ZNF431: variants seen among roughly 807,000 people sequenced by gnomAD.
ZNF431 encodes zinc finger protein 431.
ZNF431 carries 34 observed loss-of-function variants against 57.0 expected under a neutral mutation model. The observed-to-expected ratio is 0.60, with a 90% CI of 0.45 to 0.79. The LOEUF is 0.79. Among genes scored for constraint, ZNF431 ranks in the 30% least tolerant of loss-of-function variants. The pLI is 0.00. For missense variants in ZNF431, 607 were observed against 667.1 expected (o/e 0.91, Z 0.99); for synonymous variants, 207 against 220.3 (o/e 0.94, Z 0.54).
In ZNF431 at chr19:21,143,561, AAT is replaced by A. The variant is rs1568292521; in HGVS notation, c.17_18del (p.Tyr6TrpfsTer15). ...TATTTTCTTCCATAGGACGACTTGA[AAT>A]ATGGAGTGTATCCTCTCAAGGAAGC... On this transcript the variant is annotated frameshift_variant, in exon 2 of 5. Coordinates refer to ENST00000311048, the MANE Select transcript of ZNF431 (RefSeq NM_133473.4). LOFTEE classifies it high-confidence loss of function. 6.2e-7 allele frequency: 1 copy of A among 1,613,574 alleles called. No homozygotes were observed. Among genetic ancestry groups the A allele is most frequent in the Non-Finnish European group, 8.5e-7 (1 of 1,179,484 alleles).
At position 21,142,052 on chromosome 19, in the gene ZNF431, A is replaced by G. The variant is rs1568291319; in HGVS notation, c.-132A>G. 8.2e-7 allele frequency: 1 copy of G among 1,217,218 alleles called. No homozygotes were observed. The highest frequency in any genetic ancestry group is 1.5e-5 in the African/African-American group (1 of 66,878). 75.4% of individuals were successfully genotyped at this position (1,217,218 alleles called of 1,614,324 possible). On this transcript the variant is annotated 5_prime_UTR_variant, in exon 1 of 5. Transcript: ENST00000311048. ...TGGCGGGGCCTTTGTCTCTCGCCGC[A>G]GCCTGAGCTCCAGGTCTCCCCTTCG...
intron 2 of ZNF431, among the ~76,000 whole-genome samples, chr19:21,156,324 A>T (rs931849514): frequency 3.5e-4 from 53 of 150,880 alleles, no homozygotes; most frequent in African/African-American, 1.2e-3. Context: ...AGAACAAACA[A>T]CTCCTTGCAC....
rs912851172 is a variant in ZNF431, at chr19:21,185,890, A to G, written c.*1856A>G. ...CTACACTTTAAAAAAAAATTTTTAA[A>G]TGTACAATTAAATTTTTATTTACCA... On this transcript the variant is annotated 3_prime_UTR_variant, in exon 5 of 5. Coordinates refer to ENST00000311048, the MANE Select transcript of ZNF431 (RefSeq NM_133473.4). 1.3e-5 allele frequency: 2 copies of G among 152,192 alleles called. No homozygotes were observed. Among genetic ancestry groups the G allele is most frequent in the African/African-American group, 2.4e-5 (1 of 41,442 alleles). 9.4% of individuals were successfully genotyped at this position (152,192 alleles called of 1,614,324 possible).
At chr19:21,172,018 C>T (rs1970908821) in intron 4 of ZNF431, among the ~76,000 whole-genome samples, 1 of 151,378 alleles carries the variant, frequency 6.6e-6, no homozygotes, top group African/African-American at 2.4e-5. Flanking sequence ...CCGCACCTGG[C>T]CTGAATATAT....
intron 4 of ZNF431, among the ~76,000 whole-genome samples, chr19:21,174,215 T>A (rs1158456784): frequency 6.6e-6 from 1 of 152,216 alleles, no homozygotes; most frequent in Non-Finnish European, 1.5e-5. Flanking sequence ...CTTCTTTCTT[T>A]GTAAGTTACA....
intron 3 of ZNF431, among the ~76,000 whole-genome samples, chr19:21,167,033 G>A (rs1599600063): frequency 6.6e-6 from 1 of 152,050 alleles, no homozygotes; most frequent in East Asian, 1.9e-4. Flanking sequence ...GCAAATTTTT[G>A]TATTAGTAGA....
intron 2 of ZNF431, among the ~76,000 whole-genome samples, chr19:21,162,313 A>G (rs1970595974): frequency 6.6e-6 from 1 of 152,100 alleles, no homozygotes; most frequent in South Asian, 2.1e-4. Context: ...AGCTGGGATT[A>G]CAGGCACCTG....
Position 21,183,625 on chromosome 19 carries a change from C to T in ZNF431, c.1322C>T (p.Pro441Leu), listed in dbSNP as rs769743485. The change falls in exon 5 of 5, where the codon CCA becomes CTA. Residue 441 changes from proline to leucine, a missense_variant. Physicochemically the swap from Pro to Leu is moderately conservative, Grantham distance 98. Coordinates refer to ENST00000311048, the MANE Select transcript of ZNF431 (RefSeq NM_133473.4). ...EECGKAFNRS[P>L]QLTAHKIIHT... ...TGTGGCAAAGCTTTTAACCGGTCCC[C>T]ACAACTTACTGCACATAAGATAATT... The T allele has an allele frequency of 1.9e-6, 3 of 1,613,230 alleles. No individual in the cohort carries two copies. The highest frequency in any genetic ancestry group is 1.1e-5 in the South Asian group (1 of 91,054).
intron 4 of ZNF431, among the ~76,000 whole-genome samples, chr19:21,168,799 A>G (rs1004612645): frequency 1.3e-5 from 2 of 152,108 alleles, no homozygotes; most frequent in African/African-American, 2.4e-5. Context: ...TATTAATAAG[A>G]CTGTTTTCTT....
intron 4 of ZNF431, among the ~76,000 whole-genome samples, chr19:21,171,162 T>C (rs1034543602): frequency 1.3e-5 from 2 of 151,224 alleles, no homozygotes; most frequent in Non-Finnish European, 3.0e-5. Context: ...TACATGCTTA[T>C]TTAAAAAGTT....
At chr19:21,165,106 A>T (rs1040085779) in intron 2 of ZNF431, among the ~76,000 whole-genome samples, 1 of 151,868 alleles carries the variant, frequency 6.6e-6, no homozygotes, top group African/African-American at 2.4e-5. Flanking sequence ...AAAAAAAAAA[A>T]AAATGTTTTC....
At chr19:21,146,156 A>G (rs191379693) in intron 2 of ZNF431, among the ~76,000 whole-genome samples, 11 of 152,304 alleles carry the variant, frequency 7.2e-5, no homozygotes, top group Admixed American at 7.2e-4. Flanking sequence ...GGGTGAGTCC[A>G]TACAGTAAAG....
In ZNF431 at chr19:21,156,646, A is replaced by G. The variant is rs1691997437; in HGVS notation, c.97-9689A>G. Among the ~76,000 whole-genome samples, 4 of 150,486 alleles carry G rather than the reference A, an allele frequency of 2.7e-5. No individual in the cohort carries two copies. The South Asian group carries it at 8.4e-4, about 32-fold the overall frequency. On this transcript the variant is annotated intron_variant, in intron 2 of 4. Transcript: ENST00000311048. ...GGTTTTGTTTCACTTTAGCTTTCTA[A>G]GGATAATGGTCTCCAGCATCATCTA...
In ZNF431 at chr19:21,187,029, T is replaced by G. The variant is rs769563194; in HGVS notation, c.*2995T>G. ...AATGTAGCAAACATATATTACAGTT[T>G]TCACTGTGTAATAGATTATCCATAA... On this transcript the variant is annotated 3_prime_UTR_variant, in exon 5 of 5. Transcript: ENST00000311048. The G allele has an allele frequency of 2.6e-5, 4 of 152,206 alleles. No homozygotes were observed. The highest frequency in any genetic ancestry group is 5.9e-5 in the Non-Finnish European group (4 of 68,040). 9.4% of individuals were successfully genotyped at this position (152,206 alleles called of 1,614,324 possible). A position where few individuals can be genotyped will look rare whatever the true frequency, so the allele number is the denominator to read the frequency against.
At chr19:21,174,934 G>C (rs375890180) in intron 4 of ZNF431, among the ~76,000 whole-genome samples, 3 of 152,034 alleles carry the variant, frequency 2.0e-5, no homozygotes, top group Non-Finnish European at 4.4e-5. Flanking sequence ...GCTAATTTTT[G>C]TATTTTTAGT....
chr19:21,175,587 G>A (rs969898442), intron 4 of ZNF431: 22 of 533,540 alleles, frequency 4.1e-5, no homozygotes, highest in South Asian at 2.1e-4. Flanking sequence ...CTCCCTCCCC[G>A]TGACAGACCC....
At chr19:21,150,065 TC>T in intron 2 of ZNF431, 1 of 628,256 alleles carries the variant, frequency 1.6e-6, no homozygotes, top group Admixed American at 2.1e-5. Context: ...AATAAGGATG[TC>T]CCCTTTGTCA....
intron 2 of ZNF431, chr19:21,150,022 G>A (rs1161080306): frequency 1.7e-6 from 1 of 592,258 alleles, no homozygotes; most frequent in African/African-American, 1.9e-5. Context: ...TGGTGACAGT[G>A]TTAATTCCTG....
In ZNF431 at chr19:21,184,010, G is replaced by A. The variant is rs531316672; in HGVS notation, c.1707G>A (p.Met569Ile). 8.3e-6 allele frequency: 13 copies of A among 1,572,930 alleles called. No homozygotes were observed. Among genetic ancestry groups the A allele is most frequent in the Admixed American group, 1.9e-5 (1 of 52,154 alleles). ...NNSYWRETLQMSRMWESL is the reference protein window; with the variant it reads ...NNSYWRETLQISRMWESL ...CATACTGGAGAGAAACTCTACAAATGTCAAGAATGTGGGAAAGCCTTTAAG... is the reference window on the plus strand; with the variant it reads ...CATACTGGAGAGAAACTCTACAAATATCAAGAATGTGGGAAAGCCTTTAAG... Residue 569 changes from methionine (M) to isoleucine (I), a missense_variant, in exon 5 of 5, where the codon ATG becomes ATA. Transcript: ENST00000311048.
Sources: allele counts gnomAD v4.1 joint callset (sites outside exome capture counted in the v4.1 genomes callset), GRCh38; gene constraint gnomAD v4.1.1; transcripts MANE v1.5; gene names NCBI Gene and HGNC (gene_info 2026-07-23, HGNC 2026-07-21).